Variants in HECW2 observed in about 807,000 individuals in gnomAD.
HECW2 encodes HECT, C2 and WW domain containing E3 ubiquitin protein ligase 2.
Under a neutral mutation model 175.2 loss-of-function variants are expected in HECW2, and 61 were observed. The ratio of observed to expected loss-of-function variants is 0.35; its 90% confidence interval spans 0.28 to 0.43. HECW2 has a LOEUF of 0.43. Ranked by LOEUF, HECW2 falls within the 20% of genes least tolerant of loss-of-function variation. The probability of loss-of-function intolerance (pLI) is 1.00; values close to 1 mark genes in which losing one functional copy is unlikely to be tolerated. For synonymous variants in HECW2, 671 were observed against 731.0 expected, an observed-to-expected ratio of 0.92 and a Z score of 1.32; for missense variants, 1,524 against 2,000.5, an observed-to-expected ratio of 0.76 and a Z score of 4.54.
chr2:196,270,620 G>T (rs1335868984), intron 17 of HECW2, among the ~76,000 whole-genome samples: 2 of 151,994 alleles, frequency 1.3e-5, no homozygotes, highest in Non-Finnish European at 2.9e-5. Context: ...TGCACTTCTA[G>T]GATAAACGCT....
intron 14 of HECW2, chr2:196,288,653 T>G (rs940333066): frequency 6.6e-6 from 1 of 152,242 alleles, no homozygotes; most frequent in African/African-American, 2.4e-5. Flanking sequence ...ATTATTTTCA[T>G]GAAATGCCAA....
intron 2 of HECW2, among the ~76,000 whole-genome samples, chr2:196,388,141 A>ATT (rs1559081809): frequency 1.7e-4 from 26 of 151,704 alleles, no homozygotes; most frequent in Middle Eastern, 3.4e-3. Context: ...AAAAAAAAAA[A>ATT]TTTTTAATTA....
chr2:196,554,130 AG>A (rs1317013597), intron 1 of HECW2, among the ~76,000 whole-genome samples: 2 of 152,000 alleles, frequency 1.3e-5, no homozygotes, highest in African/African-American at 4.8e-5. Flanking sequence ...CGAGGTCAGG[AG>A]ATCGAGACCA....
At chr2:196,559,302 A>G (rs1689916269) in intron 1 of HECW2, among the ~76,000 whole-genome samples, 1 of 152,220 alleles carries the variant, frequency 6.6e-6, no homozygotes, top group South Asian at 2.1e-4. Flanking sequence ...ACACCAGCCC[A>G]TCAGAGTCCT....
intron 2 of HECW2, among the ~76,000 whole-genome samples, chr2:196,374,046 A>AAATAAATAAATAAATAAAT: frequency 6.7e-6 from 1 of 148,666 alleles, no homozygotes; most frequent in African/African-American, 2.5e-5. Context: ...AAAATAAAAT[A>AAATAAATAAATAAATAAAT]AAATAAATAA....
rs1389491678 is a variant in HECW2 at position 196,319,858 on chromosome 2, C to T, written c.1032G>A (p.Val344=). 6.2e-7 allele frequency: 1 copy of T among 1,613,630 alleles called. No individual in the cohort carries two copies. Residue 344 remains valine, a synonymous_variant, in exon 9 of 29, where the codon GTG becomes GTA. Coordinates refer to ENST00000644978, the MANE Select transcript of HECW2 (RefSeq NM_001348768.2). The part of the protein sequence containing the change: ...AVGTILGVNS[V]NGDLGSPSDD... ...CGGAAGGGCTACCTAAGTCTCCATT[C>T]ACAGAATTGACTCCAAGTATTGTGC...
At chr2:196,528,950 G>C (rs1223902433) in intron 1 of HECW2, among the ~76,000 whole-genome samples, 1 of 152,178 alleles carries the variant, frequency 6.6e-6, no homozygotes, top group Non-Finnish European at 1.5e-5. Context: ...ATCTGTGCAG[G>C]GAGTTGGGGT....
intron 2 of HECW2, chr2:196,361,769 A>G: frequency 1.0e-6 from 1 of 980,250 alleles, no homozygotes; most frequent in South Asian, 4.7e-5. Context: ...AAGGAAATCA[A>G]GTGACAGTGG....
intron 1 of HECW2, among the ~76,000 whole-genome samples, chr2:196,497,707 A>G (rs1687445469): frequency 6.6e-6 from 1 of 152,156 alleles, no homozygotes; most frequent in Non-Finnish European, 1.5e-5. Flanking sequence ...CCCCAACACC[A>G]GCCAAAAAAG....
At chr2:196,488,994 G>A (rs1450707336) in intron 1 of HECW2, among the ~76,000 whole-genome samples, 1 of 152,088 alleles carries the variant, frequency 6.6e-6, no homozygotes, top group Non-Finnish European at 1.5e-5. Context: ...CACATACTAT[G>A]CTATATTAAA....
At chr2:196,530,253 C>T (rs1688797716) in intron 1 of HECW2, among the ~76,000 whole-genome samples, 1 of 152,184 alleles carries the variant, frequency 6.6e-6, no homozygotes, top group African/African-American at 2.4e-5. Context: ...TTTGACTTTG[C>T]AACCCTCATT....
chr2:196,215,580 A>G (rs10186503), intron 28 of HECW2, among the ~76,000 whole-genome samples: 27,873 of 152,190 alleles, frequency 0.18, 6,093 homozygotes, highest in African/African-American at 0.53. Flanking sequence ...TAGAGCCACA[A>G]TCATAAGCCA....
intron 17 of HECW2, among the ~76,000 whole-genome samples, chr2:196,259,248 T>A (rs577005823): frequency 6.6e-6 from 1 of 152,338 alleles, no homozygotes; most frequent in African/African-American, 2.4e-5. Flanking sequence ...GCTGGGATTA[T>A]AGGCGTAAGC....
At chr2:196,237,641 A>G (rs1165589054) in intron 21 of HECW2, among the ~76,000 whole-genome samples, 1 of 152,100 alleles carries the variant, frequency 6.6e-6, no homozygotes, top group African/African-American at 2.4e-5. Flanking sequence ...ATATTTTTCT[A>G]CTTTTCTATT....
chr2:196,507,817 G>A (rs1186685544), intron 1 of HECW2, among the ~76,000 whole-genome samples: 1 of 152,184 alleles, frequency 6.6e-6, no homozygotes, highest in Non-Finnish European at 1.5e-5. Flanking sequence ...TCCTCCCCCA[G>A]TGGAATGACT....
chr2:196,526,655 C>T lies in HECW2; in HGVS notation c.-36+66853G>A, dbSNP rs568726834. ...TGATGGTGATAAACAGATGGGTTTT[C>T]GGTGTGGATGTCCTTTCTGTTTGTT... On this transcript the variant is annotated intron_variant, in intron 1 of 28. Coordinates refer to ENST00000644978, the MANE Select transcript of HECW2 (RefSeq NM_001348768.2). 2.4e-3 allele frequency among the ~76,000 whole-genome samples: 335 copies of T among 137,988 alleles called. 6 individuals are homozygous for T. Among genetic ancestry groups the T allele is most frequent in the African/African-American group, 0.011 (319 of 30,108 alleles). The allele number at this position is 137,988 out of a possible 152,430, so 90.5% of individuals were successfully genotyped here.
intron 13 of HECW2, among the ~76,000 whole-genome samples, chr2:196,294,425 A>G (rs925413687): frequency 6.6e-6 from 1 of 152,142 alleles, no homozygotes; most frequent in Non-Finnish European, 1.5e-5. Flanking sequence ...GGGACACTAG[A>G]CTGAGTCTGG....
chr2:196,576,479 A>G (rs867139877), intron 1 of HECW2, among the ~76,000 whole-genome samples: 35 of 152,216 alleles, frequency 2.3e-4, no homozygotes, highest in African/African-American at 7.0e-4. Context: ...GTACTGCATG[A>G]TCTCACTTAT....
intron 10 of HECW2, among the ~76,000 whole-genome samples, chr2:196,310,504 C>T (rs1691453119): frequency 6.6e-6 from 1 of 152,222 alleles, no homozygotes; most frequent in South Asian, 2.1e-4. Context: ...GGAAGGTTAG[C>T]TCTCTGTTGT....
Sources: allele counts gnomAD v4.1 joint callset (sites outside exome capture counted in the v4.1 genomes callset), GRCh38; gene constraint gnomAD v4.1.1; transcripts MANE v1.5; gene names NCBI Gene and HGNC (gene_info 2026-07-23, HGNC 2026-07-21).